The following ARHGAP6 variants were observed in gnomAD, a reference collection of about 807,000 sequenced individuals.
ARHGAP6 encodes Rho GTPase activating protein 6.
ARHGAP6 carries 16 observed loss-of-function variants against 55.7 expected under a neutral mutation model. The observed-to-expected ratio is 0.29, with a 90% CI of 0.19 to 0.44. The LOEUF (loss-of-function observed/expected upper bound fraction) is 0.44. ARHGAP6 is among the 20% of genes least tolerant of loss of function. The pLI, the probability that ARHGAP6 is intolerant of heterozygous loss-of-function variation, is 1.00. For synonymous variants in ARHGAP6, 382 were observed against 360.9 expected, an observed-to-expected ratio of 1.06 and a Z score of -0.66; for missense variants, 698 against 808.9, an observed-to-expected ratio of 0.86 and a Z score of 1.66.
chrX:11,322,754 AT>A (rs1258504019), intron 1 of ARHGAP6, among the ~76,000 whole-genome samples: 1 of 112,496 alleles, frequency 8.9e-6, no homozygotes, highest in African/African-American at 3.2e-5. Flanking sequence ...CATTTTTCAT[AT>A]TTAAGCACAA....
chrX:11,362,459 A>C (rs890409422), intron 1 of ARHGAP6, among the ~76,000 whole-genome samples: 9 of 109,810 alleles, frequency 8.2e-5, no homozygotes, highest in African/African-American at 3.0e-4. Context: ...GAACAACGAA[A>C]ACACATGGAC....
At chrX:11,580,054 G>T (rs978659484) in intron 1 of ARHGAP6, among the ~76,000 whole-genome samples, 1 of 111,337 alleles carries the variant, frequency 9.0e-6, no homozygotes. Flanking sequence ...GTTAACTGCT[G>T]CCATGACTCA....
At chrX:11,480,186 C>T (rs1228914456) in intron 1 of ARHGAP6, among the ~76,000 whole-genome samples, 5 of 111,754 alleles carry the variant, frequency 4.5e-5, no homozygotes, top group Admixed American at 9.5e-5. Flanking sequence ...TAGCCCAAAA[C>T]TGAAAACACA....
chrX:11,632,053 A>G (rs2052367168), intron 1 of ARHGAP6, among the ~76,000 whole-genome samples: 1 of 111,825 alleles, frequency 8.9e-6, no homozygotes, highest in Non-Finnish European at 1.9e-5. Context: ...ATTTGCCTTA[A>G]ATATGATGTA....
intron 1 of ARHGAP6, among the ~76,000 whole-genome samples, chrX:11,435,205 C>G (rs1378353019): frequency 1.8e-5 from 2 of 111,915 alleles, no homozygotes; most frequent in Non-Finnish European, 3.8e-5. Flanking sequence ...TCCCAAATGT[C>G]AATAGTACCA....
chrX:11,533,338 A>T (rs1262259938), intron 1 of ARHGAP6, among the ~76,000 whole-genome samples: 1 of 111,925 alleles, frequency 8.9e-6, no homozygotes, highest in Non-Finnish European at 1.9e-5. Flanking sequence ...GGCACTTAAG[A>T]TCCTTTATAA....
At chrX:11,600,058 C>CT (rs2051951367) in intron 1 of ARHGAP6, among the ~76,000 whole-genome samples, 3 of 111,504 alleles carry the variant, frequency 2.7e-5, no homozygotes, top group South Asian at 7.6e-4. Flanking sequence ...TAGGGAAGCT[C>CT]TTTTTTCTGG....
At chrX:11,166,547 A>G (rs1037017078) in intron 9 of ARHGAP6, among the ~76,000 whole-genome samples, 2 of 112,130 alleles carry the variant, frequency 1.8e-5, no homozygotes, top group Non-Finnish European at 3.8e-5. Flanking sequence ...AGCGACATAC[A>G]AGATTACATT....
chrX:11,541,607 C>T (rs1293004642), intron 1 of ARHGAP6, among the ~76,000 whole-genome samples: 1 of 111,992 alleles, frequency 8.9e-6, no homozygotes, highest in Non-Finnish European at 1.9e-5. Context: ...ACATAGCACT[C>T]ACCACTCCAT....
At chrX:11,277,699 C>A (rs867210994) in intron 1 of ARHGAP6, among the ~76,000 whole-genome samples, 1 of 99,125 alleles carries the variant, frequency 1.0e-5, no homozygotes. Flanking sequence ...TTCTAGTATT[C>A]TTTTTTTTTT....
intron 1 of ARHGAP6, among the ~76,000 whole-genome samples, chrX:11,495,233 A>G (rs1201345246): frequency 6.3e-5 from 7 of 111,301 alleles, no homozygotes; most frequent in African/African-American, 2.3e-4. Flanking sequence ...TAGTTGGTGG[A>G]ACATTCCCAG....
chrX:11,663,844 T>G (rs753858062), intron 1 of ARHGAP6, among the ~76,000 whole-genome samples: 12 of 112,753 alleles, frequency 1.1e-4, no homozygotes, highest in Admixed American at 1.0e-3. Context: ...CAGAACAAGA[T>G]GGCAGACATA....
At chrX:11,537,415 G>T (rs1166511528) in intron 1 of ARHGAP6, among the ~76,000 whole-genome samples, 1 of 111,806 alleles carries the variant, frequency 8.9e-6, no homozygotes, top group East Asian at 2.8e-4. Flanking sequence ...AATGTCAACG[G>T]CACAGAGATT....
rs2052483424 is a variant in ARHGAP6, at chrX:11,642,322, G to C, written c.588+21919C>G. ...ACTCATAACATGTCCTATATTCACT[G>C]TGTTTAGGCCAAAAAATATATATTC... On this transcript the variant is annotated intron_variant, in intron 1 of 12. Transcript: ENST00000337414. Among the ~76,000 whole-genome samples the C allele has an allele frequency of 2.7e-5, 3 of 111,239 alleles. No individual in the cohort carries two copies. In the Admixed American group the frequency reaches 2.9e-4, roughly 11 times the overall value.
intron 1 of ARHGAP6, among the ~76,000 whole-genome samples, chrX:11,538,490 T>A (rs1229089627): frequency 1.8e-5 from 2 of 111,724 alleles, no homozygotes; most frequent in African/African-American, 6.5e-5. Context: ...AAAATTCAAT[T>A]ACTCACAGAG....
chrX:11,230,415 C>T (rs140331108), intron 2 of ARHGAP6, among the ~76,000 whole-genome samples: 1,934 of 111,018 alleles, frequency 0.017, 19 homozygotes, highest in Middle Eastern at 0.032. Context: ...CCAGGATGGT[C>T]TCAATCTCTT....
At chrX:11,408,908 TACACACAC>T (rs373105469) in intron 1 of ARHGAP6, among the ~76,000 whole-genome samples, 1 of 104,826 alleles carries the variant, frequency 9.5e-6, no homozygotes, top group Non-Finnish European at 2.0e-5. Context: ...CACACACACA[TACACACAC>T]ACACACACAC....
chrX:11,162,841 C>T lies in ARHGAP6; in HGVS notation c.1810-6215G>A. ...TCTTAAGCTATTTTTCTTATCAATA[C>T]AAAAACTTCAAAACTTTTTGAAAAA... On this transcript the variant is annotated intron_variant, in intron 9 of 12. Coordinates refer to ENST00000337414, the MANE Select transcript of ARHGAP6 (RefSeq NM_013427.3). Among the ~76,000 whole-genome samples the T allele has an allele frequency of 2.7e-5, 3 of 112,012 alleles. 1 individual carries two copies. The Admixed American group carries it at 2.9e-4, about 11-fold the overall frequency.
intron 1 of ARHGAP6, among the ~76,000 whole-genome samples, chrX:11,452,522 G>T (rs776275306): frequency 1.2e-4 from 13 of 111,975 alleles, no homozygotes; most frequent in African/African-American, 3.9e-4. Flanking sequence ...AGGAATATCC[G>T]GAAACACATT....
Sources: allele counts gnomAD v4.1 joint callset (sites outside exome capture counted in the v4.1 genomes callset), GRCh38; gene constraint gnomAD v4.1.1; transcripts MANE v1.5; gene names NCBI Gene and HGNC (gene_info 2026-07-23, HGNC 2026-07-21).